Variants in FAM81B observed in about 807,000 individuals in gnomAD.
FAM81B encodes protein FAM81B.
FAM81B carries 60 observed loss-of-function variants against 58.7 expected under a neutral mutation model. The ratio of observed to expected loss-of-function variants is 1.02; its 90% CI spans 0.83 to 1.27. The LOEUF is 1.27. Ranked by LOEUF, FAM81B falls within the 50% of genes most tolerant of loss-of-function variation. FAM81B has a pLI of 0.00. For missense variants in FAM81B, 491 were observed against 522.0 expected (o/e 0.94, Z 0.58); for synonymous variants, 189 against 179.6 (o/e 1.05, Z -0.42).
intron 3 of FAM81B, among the ~76,000 whole-genome samples, chr5:95,407,380 C>T (rs184501691): frequency 5.8e-4 from 85 of 147,018 alleles, no homozygotes; most frequent in African/African-American, 2.1e-3. Context: ...CCAAAAATGC[C>T]TGTTCTCTTT....
chr5:95,397,518 G>A (rs887100249), intron 3 of FAM81B, among the ~76,000 whole-genome samples: 3 of 152,168 alleles, frequency 2.0e-5, no homozygotes, highest in African/African-American at 7.2e-5. Flanking sequence ...TTACAAACCT[G>A]TGTGGATTTC....
At chr5:95,399,357 A>G (rs1242185204) in intron 3 of FAM81B, among the ~76,000 whole-genome samples, 2 of 152,198 alleles carry the variant, frequency 1.3e-5, no homozygotes, top group Non-Finnish European at 2.9e-5. Flanking sequence ...TCACATTACA[A>G]TGCATGAGAA....
chr5:95,425,554 C>T (rs1304749210), intron 5 of FAM81B, among the ~76,000 whole-genome samples: 1 of 152,148 alleles, frequency 6.6e-6, no homozygotes, highest in Non-Finnish European at 1.5e-5. Flanking sequence ...TTCTAGTACT[C>T]CTGAGCCCTG....
Position 95,450,387 on chromosome 5 carries a change from C to T in FAM81B, c.*105C>T. The T allele has an allele frequency of 6.5e-7, 1 of 1,545,624 alleles. No individual in the cohort carries two copies. Among genetic ancestry groups the T allele is most frequent in the Non-Finnish European group, 8.7e-7 (1 of 1,151,654 alleles). On this transcript the variant is annotated 3_prime_UTR_variant, in exon 10 of 10. Transcript: ENST00000283357. Reference sequence around the variant, plus strand: ...CTGGGATGTTTACTGCTTCTAATGTCTCCTTTTAAGGAGACGAATGTACCA... The same window carrying T: ...CTGGGATGTTTACTGCTTCTAATGTTTCCTTTTAAGGAGACGAATGTACCA...
At chr5:95,432,553 T>C (rs746866375) in intron 6 of FAM81B, among the ~76,000 whole-genome samples, 12 of 152,196 alleles carry the variant, frequency 7.9e-5, no homozygotes, top group Admixed American at 5.2e-4. Context: ...TTTTTATATT[T>C]ATTTTTTTGA....
At chr5:95,405,007 T>G (rs951043483) in intron 3 of FAM81B, among the ~76,000 whole-genome samples, 3 of 152,126 alleles carry the variant, frequency 2.0e-5, no homozygotes, top group Non-Finnish European at 4.4e-5. Context: ...TTTTAAGTAG[T>G]CAAGGGCTAC....
chr5:95,409,672 T>C (rs1408002019), intron 3 of FAM81B, among the ~76,000 whole-genome samples: 1 of 152,204 alleles, frequency 6.6e-6, no homozygotes, highest in African/African-American at 2.4e-5. Context: ...TCTGCTGACC[T>C]TCACTGGGCA....
chr5:95,421,681 A>AG (rs1762689648), intron 5 of FAM81B, among the ~76,000 whole-genome samples: 1 of 151,932 alleles, frequency 6.6e-6, no homozygotes, highest in Middle Eastern at 3.4e-3. Context: ...TAGAATACAA[A>AG]AAAAGGTTGT....
At chr5:95,428,943 C>CATCT (rs1183570360) in intron 6 of FAM81B, among the ~76,000 whole-genome samples, 1 of 152,106 alleles carries the variant, frequency 6.6e-6, no homozygotes, top group African/African-American at 2.4e-5. Context: ...CCAACACAGC[C>CATCT]ATCTACTCTA....
At chr5:95,446,780 A>C (rs1745583825) in intron 8 of FAM81B, 83 bp downstream of exon 8, 1 of 1,534,998 alleles carries the variant, frequency 6.5e-7, no homozygotes, top group African/African-American at 1.4e-5. Flanking sequence ...TTTGTACTTC[A>C]ACATTTATGG....
intron 3 of FAM81B, 136 bp from the exon 4 acceptor site, chr5:95,413,811 C>T: frequency 7.1e-7 from 1 of 1,408,688 alleles, no homozygotes; most frequent in Non-Finnish European, 9.3e-7. Context: ...CTAACCATGG[C>T]AAGTGCTTAA....
chr5:95,432,693 A>G (rs898459451), intron 6 of FAM81B, among the ~76,000 whole-genome samples: 4 of 152,190 alleles, frequency 2.6e-5, no homozygotes, highest in African/African-American at 9.6e-5. Context: ...AAAGTTATGC[A>G]AAATGCTTTT....
At chr5:95,422,123 G>T (rs1187566396) in intron 5 of FAM81B, among the ~76,000 whole-genome samples, 1 of 148,502 alleles carries the variant, frequency 6.7e-6, no homozygotes, top group Non-Finnish European at 1.5e-5. Flanking sequence ...CAACATAAAT[G>T]ACTTTGTGGC....
intron 6 of FAM81B, among the ~76,000 whole-genome samples, chr5:95,433,620 G>A (rs1454899387): frequency 6.6e-6 from 1 of 151,998 alleles, no homozygotes; most frequent in Non-Finnish European, 1.5e-5. Context: ...TTTAGTTTTT[G>A]GAATATTTTG....
At chr5:95,438,853 T>C (rs1278754216) in intron 7 of FAM81B, among the ~76,000 whole-genome samples, 1 of 150,266 alleles carries the variant, frequency 6.7e-6, no homozygotes, top group Non-Finnish European at 1.5e-5. Flanking sequence ...TTGTAATCAA[T>C]ATTAACACCA....
intron 5 of FAM81B, among the ~76,000 whole-genome samples, chr5:95,427,332 T>C (rs555541317): frequency 3.3e-5 from 5 of 152,330 alleles, no homozygotes; most frequent in South Asian, 4.1e-4. Flanking sequence ...AGTTTGTATA[T>C]GCAAAGGTGT....
chr5:95,420,208 G>T, intron 4 of FAM81B, 76 bp from the exon 5 acceptor site: 2 of 1,581,040 alleles, frequency 1.3e-6, no homozygotes, highest in Non-Finnish European at 8.6e-7. Flanking sequence ...ATTCATTTAG[G>T]TAACCCCTGC....
chr5:95,435,694 T>C (rs1337920751), intron 6 of FAM81B, among the ~76,000 whole-genome samples: 1 of 152,218 alleles, frequency 6.6e-6, no homozygotes, highest in Admixed American at 6.5e-5. Context: ...TGAGTTTTAC[T>C]CTTCATCTAT....
chr5:95,438,466 T>G (rs537132099), intron 7 of FAM81B, among the ~76,000 whole-genome samples: 16 of 152,246 alleles, frequency 1.1e-4, no homozygotes, highest in South Asian at 2.1e-4. Context: ...AGGAAATGTT[T>G]GAGATCCAGG....
Sources: gnomAD v4.1 joint callset for allele counts (sites outside exome capture counted in the v4.1 genomes callset) on GRCh38, gnomAD v4.1.1 for gene constraint, MANE v1.5 for transcripts, NCBI Gene and HGNC (gene_info 2026-07-23, HGNC 2026-07-21) for gene names.